Variants in DNER observed in about 807,000 individuals in gnomAD.
DNER encodes the protein delta and Notch-like epidermal growth factor-related receptor.
Under a neutral mutation model 78.2 loss-of-function variants are expected in DNER, and 33 were observed. The observed-to-expected ratio is 0.42, with a 90% CI of 0.32 to 0.56. DNER has a LOEUF of 0.56. Ranked by LOEUF, DNER falls within the 20% of genes least tolerant of loss-of-function variation. The pLI is 0.11. For missense variants in DNER, 918 were observed against 975.3 expected (o/e 0.94, Z 0.78); for synonymous variants, 417 against 384.8 (o/e 1.08, Z -0.98).
intron 1 of DNER, among the ~76,000 whole-genome samples, chr2:229,691,498 CT>C (rs1699571347): frequency 6.6e-6 from 1 of 151,902 alleles, no homozygotes; most frequent in South Asian, 2.1e-4. Flanking sequence ...CCTAATAAAT[CT>C]CTCCATATTT....
At chr2:229,385,596 C>T (rs559581015) in intron 11 of DNER, among the ~76,000 whole-genome samples, 60 of 152,280 alleles carry the variant, frequency 3.9e-4, no homozygotes, top group African/African-American at 1.4e-3. Context: ...TCAAAATCTC[C>T]TTAAGCTGAT....
At position 229,714,327 on chromosome 2, in the gene DNER, G is replaced by A. The variant is rs1310202251; in HGVS notation, c.97C>T (p.Leu33=). Residue 33 remains leucine (L), a synonymous_variant, in exon 1 of 13, where the codon CTG becomes TTG. Transcript: ENST00000341772. ...GGCGCGGCGGGCACCGGGTTGGCCAGGGAGCTGCCTCGGGGCCCCGCTCCG... is the reference window on the plus strand; with the variant it reads ...GGCGCGGCGGGCACCGGGTTGGCCAAGGAGCTGCCTCGGGGCCCCGCTCCG... ...LLGAGPRGSS[L]ANPVPAAPLS... 7.8e-6 allele frequency: 10 copies of A among 1,277,476 alleles called. No individual in the cohort carries two copies. The highest frequency in any genetic ancestry group is 9.8e-6 in the Non-Finnish European group (10 of 1,018,088). The allele number at this position is 1,277,476 out of a possible 1,614,324, so 79.1% of individuals were successfully genotyped here.
chr2:229,392,274 T>TG (rs1338671621), intron 10 of DNER, among the ~76,000 whole-genome samples: 1 of 133,198 alleles, frequency 7.5e-6, no homozygotes, highest in African/African-American at 3.0e-5. Flanking sequence ...ATGAAATATA[T>TG]GAAAAAAAAA....
chr2:229,636,070 A>G lies in DNER; in HGVS notation c.277-44182T>C, dbSNP rs148246894. 5.2e-3 allele frequency among the ~76,000 whole-genome samples: 795 copies of G among 152,312 alleles called. 7 individuals carry two copies. Among genetic ancestry groups the G allele is most frequent in the African/African-American group, 0.018 (762 of 41,562 alleles). On this transcript the variant is annotated intron_variant, in intron 1 of 12. Transcript: ENST00000341772. ...CAGAACCAGGATTTGAACCCAGGCC[A>G]TCTTCTTCAGAGGCCACATTCTCCC...
At chr2:229,473,096 G>A (rs1397051850) in intron 7 of DNER, among the ~76,000 whole-genome samples, 3 of 152,182 alleles carry the variant, frequency 2.0e-5, no homozygotes, top group Non-Finnish European at 4.4e-5. Context: ...GATGAAAAGG[G>A]GGGAAAAGAG....
chr2:229,515,451 G>C (rs896403367), intron 5 of DNER, among the ~76,000 whole-genome samples: 2 of 152,108 alleles, frequency 1.3e-5, no homozygotes, highest in African/African-American at 4.8e-5. Context: ...ATATGTCATT[G>C]GTCTTGGCAG....
intron 11 of DNER, among the ~76,000 whole-genome samples, chr2:229,372,494 G>T (rs1012841324): frequency 6.6e-6 from 1 of 152,220 alleles, no homozygotes; most frequent in Non-Finnish European, 1.5e-5. Flanking sequence ...AGGGCTGGAA[G>T]AACAGCATGA....
At chr2:229,594,458 G>C (rs1697667364) in intron 1 of DNER, among the ~76,000 whole-genome samples, 1 of 152,102 alleles carries the variant, frequency 6.6e-6, no homozygotes, top group Non-Finnish European at 1.5e-5. Flanking sequence ...ATGGTGGTGG[G>C]CACCTGTAAT....
At chr2:229,514,964 C>A (rs944190910) in intron 5 of DNER, among the ~76,000 whole-genome samples, 82 of 152,266 alleles carry the variant, frequency 5.4e-4, no homozygotes, top group African/African-American at 2.0e-3. Context: ...ATCAAGTCTC[C>A]TTTAGTTTAA....
chr2:229,478,227 A>T (rs1436280483), intron 6 of DNER, among the ~76,000 whole-genome samples: 1 of 118,736 alleles, frequency 8.4e-6, no homozygotes, highest in East Asian at 2.3e-4. Flanking sequence ...CACAATTATG[A>T]TCATAGTGTA....
chr2:229,478,027 A>G (rs1695073290), intron 6 of DNER, among the ~76,000 whole-genome samples: 1 of 152,212 alleles, frequency 6.6e-6, no homozygotes, highest in African/African-American at 2.4e-5. Context: ...CTGGAGAGAA[A>G]AGTTTAAAAA....
chr2:229,505,177 A>AGTGTGTGTGTGTGTGTGTGTGTGT (rs144321798), intron 6 of DNER, among the ~76,000 whole-genome samples: 11 of 126,448 alleles, frequency 8.7e-5, no homozygotes, highest in African/African-American at 2.3e-4. Context: ...GTGTTGCTGC[A>AGTGTGTGTGTGTGTGTGTGTGTGT]GTGTGTGTGT....
At chr2:229,563,027 ATCC>A (rs1696991911) in intron 4 of DNER, among the ~76,000 whole-genome samples, 1 of 146,712 alleles carries the variant, frequency 6.8e-6, no homozygotes, top group Non-Finnish European at 1.5e-5. Flanking sequence ...CATCATCATC[ATCC>A]TCCTCACCCC....
chr2:229,453,871 GT>G (rs1289445205), intron 7 of DNER, among the ~76,000 whole-genome samples: 1 of 134,672 alleles, frequency 7.4e-6, no homozygotes, highest in Non-Finnish European at 1.5e-5. Context: ...AGCTAGCTAA[GT>G]TTCAAGAAAG....
intron 7 of DNER, among the ~76,000 whole-genome samples, chr2:229,450,060 G>A (rs777254953): frequency 2.0e-5 from 3 of 152,206 alleles, no homozygotes; most frequent in Non-Finnish European, 4.4e-5. Context: ...GATTATAGGC[G>A]TGAGCCACCG....
intron 1 of DNER, among the ~76,000 whole-genome samples, chr2:229,600,978 A>C (rs1421957633): frequency 6.6e-6 from 1 of 152,110 alleles, no homozygotes. Context: ...AGAATGAACA[A>C]TTGCCACCTG....
chr2:229,404,483 C>T (rs1281549588), intron 10 of DNER, among the ~76,000 whole-genome samples: 2 of 152,190 alleles, frequency 1.3e-5, no homozygotes, highest in Admixed American at 6.5e-5. Flanking sequence ...CAATTACCTC[C>T]ACCTGGCCTC....
rs541642704 is a variant in DNER at position 229,511,962 on chromosome 2, T to TG, written c.1147+820dup. The stretch of plus-strand genomic sequence containing the variant: ...CTTGTTCAACAGCTGGGCACAGCAT[T>TG]GTTTAACCATGCTTGACTAAGAAGT... On this transcript the variant is annotated intron_variant, in intron 6 of 12. Transcript: ENST00000341772. Among the ~76,000 whole-genome samples, 33 of 152,356 alleles carry TG rather than the reference T, an allele frequency of 2.2e-4. No homozygotes were observed. The East Asian group carries it at 4.2e-3, about 20-fold the overall frequency.
intron 4 of DNER, among the ~76,000 whole-genome samples, chr2:229,554,857 AAAGAGAAGAG>A (rs869140188): frequency 0.027 from 1,360 of 51,202 alleles, 125 homozygotes; most frequent in East Asian, 0.035. Context: ...CCTGAAAGGA[AAAGAGAAGAG>A]AAGAGAAGAG....
Sources: allele counts gnomAD v4.1 joint callset (sites outside exome capture counted in the v4.1 genomes callset), GRCh38; gene constraint gnomAD v4.1.1; transcripts MANE v1.5; gene names NCBI Gene and HGNC (gene_info 2026-07-23, HGNC 2026-07-21).